CSMD3: variants seen among roughly 807,000 people sequenced by gnomAD.
CSMD3 encodes CUB and sushi domain-containing protein 3.
In CSMD3, 177 loss-of-function variants were observed where a neutral mutation model predicts 435.2. The observed-to-expected ratio is 0.41, with a 90% CI of 0.36 to 0.46. The LOEUF (loss-of-function observed/expected upper bound fraction) is 0.46, where lower values mean the gene tolerates loss of function less well. Ranked by LOEUF, CSMD3 falls within the 20% of genes least tolerant of loss-of-function variation. CSMD3 has a pLI of 0.34. For synonymous variants in CSMD3, 1,656 were observed against 1,520.5 expected (o/e 1.09, Z -2.07); for missense variants, 4,265 against 4,504.6 (o/e 0.95, Z 1.52).
At chr8:112,412,685 C>A (rs1811485288) in intron 32 of CSMD3, among the ~76,000 whole-genome samples, 1 of 151,960 alleles carries the variant, frequency 6.6e-6, no homozygotes. Flanking sequence ...GTTTTTATGC[C>A]TGAAACTATA....
chr8:112,944,786 G>A (rs73347917), intron 9 of CSMD3, among the ~76,000 whole-genome samples: 8,555 of 151,334 alleles, frequency 0.057, 836 homozygotes, highest in African/African-American at 0.19. Flanking sequence ...ATAGTCCTCT[G>A]GTCTCTCATG....
chr8:112,616,385 G>A (rs1411932083), intron 22 of CSMD3, among the ~76,000 whole-genome samples: 2 of 152,076 alleles, frequency 1.3e-5, no homozygotes, highest in African/African-American at 4.8e-5. Flanking sequence ...TAGCTTGAAA[G>A]TTACATATAT....
chr8:113,077,538 C>T (rs1191012492), intron 5 of CSMD3, among the ~76,000 whole-genome samples: 1 of 151,962 alleles, frequency 6.6e-6, no homozygotes, highest in Non-Finnish European at 1.5e-5. Flanking sequence ...CCCATCTCTA[C>T]TAAAAATACA....
chr8:112,377,686 C>T (rs1468548176), intron 38 of CSMD3, among the ~76,000 whole-genome samples: 1 of 151,698 alleles, frequency 6.6e-6, no homozygotes, highest in African/African-American at 2.4e-5. Context: ...GCAACAATGG[C>T]CAAATGTATA....
At chr8:112,413,743 C>T (rs554705893) in intron 32 of CSMD3, among the ~76,000 whole-genome samples, 24 of 152,294 alleles carry the variant, frequency 1.6e-4, no homozygotes, top group South Asian at 1.2e-3. Context: ...AAACTCTAAT[C>T]TGCAATATGG....
intron 32 of CSMD3, among the ~76,000 whole-genome samples, chr8:112,421,570 T>TAA (rs10631418): frequency 6.8e-6 from 1 of 146,436 alleles, no homozygotes; most frequent in East Asian, 2.0e-4. Context: ...GTTATATATA[T>TAA]GTAATATATT....
At chr8:113,248,820 G>A (rs2132286200) in intron 3 of CSMD3, among the ~76,000 whole-genome samples, 1 of 151,690 alleles carries the variant, frequency 6.6e-6, no homozygotes, top group Non-Finnish European at 1.5e-5. Flanking sequence ...CTGGTATGAT[G>A]TTCAAGAAAC....
intron 13 of CSMD3, among the ~76,000 whole-genome samples, chr8:112,736,551 T>C (rs1018760672): frequency 6.6e-6 from 1 of 152,028 alleles, no homozygotes; most frequent in Non-Finnish European, 1.5e-5. Flanking sequence ...CACTCATGCT[T>C]CAGGATTCCC....
At chr8:112,467,254 T>C (rs1230035401) in intron 32 of CSMD3, among the ~76,000 whole-genome samples, 2 of 152,202 alleles carry the variant, frequency 1.3e-5, no homozygotes, top group African/African-American at 2.4e-5. Flanking sequence ...GTAAGGTTTT[T>C]ATGCCCATTT....
At chr8:112,435,563 G>A (rs565055069) in intron 32 of CSMD3, among the ~76,000 whole-genome samples, 13 of 152,052 alleles carry the variant, frequency 8.5e-5, no homozygotes, top group Non-Finnish European at 1.6e-4. Context: ...ATTTTCTCAG[G>A]TACATTTCAA....
intron 50 of CSMD3, chr8:112,310,528 C>T (rs1456031942): frequency 4.4e-6 from 1 of 225,216 alleles, no homozygotes; most frequent in East Asian, 1.1e-4. Context: ...AAAAAAATAT[C>T]CAGGTGGTGG....
chr8:113,294,665 A>T (rs1206299175), intron 2 of CSMD3, among the ~76,000 whole-genome samples: 2 of 152,136 alleles, frequency 1.3e-5, no homozygotes, highest in Non-Finnish European at 2.9e-5. Context: ...TGAGGTGACA[A>T]ATCTAACTTA....
intron 70 of CSMD3, among the ~76,000 whole-genome samples, chr8:112,228,488 A>C (rs1812782147): frequency 6.6e-6 from 1 of 152,228 alleles, no homozygotes; most frequent in Non-Finnish European, 1.5e-5. Flanking sequence ...AACTTTTACA[A>C]TTAGGTCCAT....
chr8:112,616,253 G>A (rs13276587), intron 22 of CSMD3, among the ~76,000 whole-genome samples: 24,579 of 151,820 alleles, frequency 0.16, 2,511 homozygotes, highest in South Asian at 0.29. Context: ...CGTATAACTG[G>A]TAAGTACTCA....
chr8:112,322,095 C>T (rs1467711282), intron 45 of CSMD3, among the ~76,000 whole-genome samples: 2 of 152,098 alleles, frequency 1.3e-5, no homozygotes, highest in African/African-American at 4.8e-5. Context: ...TAGAGATCAA[C>T]TCAGAAATTA....
chr8:113,363,279 C>T (rs551188424), intron 1 of CSMD3, among the ~76,000 whole-genome samples: 1 of 117,178 alleles, frequency 8.5e-6, no homozygotes, highest in African/African-American at 2.7e-5. Context: ...TAGTTAATTG[C>T]TTACACGCGT....
At chr8:112,898,725 C>T (rs7842872) in intron 10 of CSMD3, among the ~76,000 whole-genome samples, 11 of 151,046 alleles carry the variant, frequency 7.3e-5, no homozygotes, top group Non-Finnish European at 1.5e-4. Context: ...TATTTTCATA[C>T]AAAATTACAG....
At chr8:113,216,272 C>A (rs1288668473) in intron 3 of CSMD3, among the ~76,000 whole-genome samples, 1 of 151,700 alleles carries the variant, frequency 6.6e-6, no homozygotes. Flanking sequence ...TGATAAAAAG[C>A]CATCTATCTG....
intron 36 of CSMD3, among the ~76,000 whole-genome samples, chr8:112,385,349 A>T (rs1311491480): frequency 6.6e-6 from 1 of 152,184 alleles, no homozygotes; most frequent in East Asian, 1.9e-4. Flanking sequence ...GGCACCCTGC[A>T]TGTAGTAAAG....
Sources: allele counts gnomAD v4.1 joint callset (sites outside exome capture counted in the v4.1 genomes callset), GRCh38; gene constraint gnomAD v4.1.1; transcripts MANE v1.5; gene names NCBI Gene and HGNC (gene_info 2026-07-23, HGNC 2026-07-21).